Variants in DNAH10 observed in about 807,000 individuals in gnomAD.
DNAH10 encodes axonemal beta dynein heavy chain 10.
DNAH10 carries 348 observed loss-of-function variants against 506.6 expected under a neutral mutation model. The observed-to-expected ratio is 0.69, with a 90% CI of 0.63 to 0.75. The LOEUF (loss-of-function observed/expected upper bound fraction) is 0.75. DNAH10 is among the 30% of genes least tolerant of loss of function. DNAH10 has a pLI of 0.00. For synonymous variants in DNAH10, 2,059 were observed against 2,198.6 expected, an observed-to-expected ratio of 0.94 and a Z score of 1.78; for missense variants, 5,179 against 5,787.1, an observed-to-expected ratio of 0.89 and a Z score of 3.41.
Position 123,857,165 on chromosome 12 carries a change from G to A in DNAH10, c.6548G>A (p.Cys2183Tyr). 6.2e-7 allele frequency: 1 copy of A among 1,609,986 alleles called. No individual in the cohort carries two copies. The highest frequency in any genetic ancestry group is 8.5e-7 in the Non-Finnish European group (1 of 1,178,246). The change falls in exon 37 of 79, where the codon TGC becomes TAC. Residue 2183 changes from cysteine to tyrosine, a missense_variant. Cys to Tyr is a radical substitution (Grantham distance 194). Coordinates refer to ENST00000673944, the MANE Select transcript of DNAH10 (RefSeq NM_001372106.1). Reference protein sequence around the residue: ...LISDLFPGLDCPRVRYPDFND... With the variant: ...LISDLFPGLDYPRVRYPDFND... ...TCGGATCTGTTTCCTGGGCTGGACT[G>A]CCCTCGCGTCCGCTACCCTGACTTC...
At chr12:123,879,528 A>G (rs994751652) in intron 49 of DNAH10, 106 bp from the exon 50 acceptor site, 2 of 1,528,498 alleles carry the variant, frequency 1.3e-6, no homozygotes, top group African/African-American at 1.4e-5. Context: ...GAAAAAAAAT[A>G]GAACGCAAAT....
intron 52 of DNAH10, among the ~76,000 whole-genome samples, chr12:123,891,904 G>C (rs985237306): frequency 6.6e-6 from 1 of 152,174 alleles, no homozygotes; most frequent in Non-Finnish European, 1.5e-5. Context: ...TCCTCTCTCC[G>C]GGGAGCCACA....
chr12:123,908,357 A>G (rs554087334), intron 57 of DNAH10: 4 of 455,914 alleles, frequency 8.8e-6, no homozygotes, highest in Middle Eastern at 3.3e-4. Context: ...CAGAGCACAA[A>G]TGCCTGGGCC....
At chr12:123,782,875 T>A (rs1957715371) in intron 6 of DNAH10, among the ~76,000 whole-genome samples, 1 of 152,210 alleles carries the variant, frequency 6.6e-6, no homozygotes, top group African/African-American at 2.4e-5. Context: ...CAGGAACATC[T>A]TAAATAACTA....
chr12:123,832,869 A>G (rs4930731), intron 26 of DNAH10, among the ~76,000 whole-genome samples: 47,890 of 151,986 alleles, frequency 0.32, 8,103 homozygotes, highest in Non-Finnish European at 0.38. Flanking sequence ...ATCCCTACCA[A>G]TATACTTTGA....
chr12:123,854,860 G>A (rs12579670), intron 36 of DNAH10, among the ~76,000 whole-genome samples: 2,032 of 152,300 alleles, frequency 0.013, 24 homozygotes, highest in East Asian at 0.054. Context: ...ATTTACTGCT[G>A]CAGTTCTCAG....
chr12:123,844,878 A>G (rs1950893426), intron 30 of DNAH10, among the ~76,000 whole-genome samples: 1 of 152,106 alleles, frequency 6.6e-6, no homozygotes, highest in Non-Finnish European at 1.5e-5. Context: ...AGCTCAAGCA[A>G]TCTGCCCCAG....
chr12:123,886,971 C>T (rs111471216), intron 51 of DNAH10, among the ~76,000 whole-genome samples, 171 bp from the exon 52 acceptor site: 3 of 152,190 alleles, frequency 2.0e-5, no homozygotes, highest in African/African-American at 7.2e-5. Flanking sequence ...GCTTCCCCCT[C>T]CTCTGTTTCA....
At position 123,895,090 on chromosome 12, in the gene DNAH10, G is replaced by A. The variant is rs148655138; in HGVS notation, c.9280+367G>A. Among the ~76,000 whole-genome samples, 595 of 152,270 alleles carry A rather than the reference G, an allele frequency of 3.9e-3. 5 individuals are homozygous for A. The highest frequency in any genetic ancestry group is 0.012 in the African/African-American group (499 of 41,548). ...CTCTGGCTGCTTTTATGCTACAACC[G>A]CAAAGCTGAATAATTGCAACAGAGA... On this transcript the variant is annotated intron_variant, in intron 54 of 78. Transcript: ENST00000673944.
At chr12:123,809,628 A>G (rs1958848602) in intron 19 of DNAH10, among the ~76,000 whole-genome samples, 1 of 145,206 alleles carries the variant, frequency 6.9e-6, no homozygotes, top group Non-Finnish European at 1.5e-5. Flanking sequence ...CAGCCTGGGC[A>G]ACAGAGCAAG....
In DNAH10 at chr12:123,796,706, G is replaced by A; in HGVS notation, c.2037G>A (p.Leu679=). The A allele has an allele frequency of 6.2e-7, 1 of 1,613,748 alleles. No individual in the cohort carries two copies. Among genetic ancestry groups the A allele is most frequent in the Non-Finnish European group, 8.5e-7 (1 of 1,179,918 alleles). The change falls in exon 13 of 79, where the codon CTG becomes CTA. Residue 679 remains leucine, a synonymous_variant. Transcript: ENST00000673944. ...TCCAGAACCTTGAAAATCCACCACT[G>A]TATAAGAATCACCCTCCAGTAGCAG... is the stretch of plus-strand genomic sequence containing the variant. ...IFVQNLENPP[L]YKNHPPVAGA... is the part of the protein sequence containing the mutation.
At chr12:123,841,636 T>TCCAAATGAGGTTTTG in intron 30 of DNAH10, 91 bp downstream of exon 30, 1 of 1,288,152 alleles carries the variant, frequency 7.8e-7, no homozygotes, top group Non-Finnish European at 1.1e-6. Flanking sequence ...TGGCTGACAT[T>TCCAAATGAGGTTTTG]CCAAATGAGG....
Position 123,926,824 on chromosome 12 carries a change from A to C in DNAH10, c.12105+4A>C, listed in dbSNP as rs1954966692. 1 of 1,613,528 alleles carries C rather than the reference A, an allele frequency of 6.2e-7. No homozygotes were observed. Among genetic ancestry groups the C allele is most frequent in the African/African-American group, 1.3e-5 (1 of 74,906 alleles). ...AATGGGTCAAGGTCAAGAAAAGGTAATTTGTGGCTGAAAGGAACAAGCTCT... is the reference window on the plus strand; with the variant it reads ...AATGGGTCAAGGTCAAGAAAAGGTACTTTGTGGCTGAAAGGAACAAGCTCT... On this transcript the variant is annotated splice_donor_region_variant and intron_variant, in intron 69 of 78. Coordinates refer to ENST00000673944, the MANE Select transcript of DNAH10 (RefSeq NM_001372106.1). The surrounding 1 kb of genome is among the most constrained non-coding windows in gnomAD (Gnocchi z 4.1).
At chr12:123,794,736 C>T (rs1958211877) in intron 12 of DNAH10, among the ~76,000 whole-genome samples, 1 of 151,642 alleles carries the variant, frequency 6.6e-6, no homozygotes, top group Admixed American at 6.6e-5. Context: ...GTCTCAGCTA[C>T]TTGGGAGGCA....
chr12:123,879,877 G>A (rs1472998919), intron 50 of DNAH10, 76 bp downstream of exon 50: 6 of 1,527,880 alleles, frequency 3.9e-6, no homozygotes, highest in East Asian at 2.3e-5. Flanking sequence ...AGCATCGCGC[G>A]GGTGCCCGGG....
At position 123,798,564 on chromosome 12, in the gene DNAH10, A is replaced by G. The variant is rs528281898; in HGVS notation, c.2164-682A>G. ...CCCACCTCCAACACTGGGGATTACA[A>G]TGCAGTATGAGATTTGGGAGGACAG... On this transcript the variant is annotated intron_variant, in intron 13 of 78. Coordinates refer to ENST00000673944, the MANE Select transcript of DNAH10 (RefSeq NM_001372106.1). Among the ~76,000 whole-genome samples the G allele has an allele frequency of 3.3e-4, 51 of 152,258 alleles. 1 individual carries two copies. Among genetic ancestry groups the G allele is most frequent in the African/African-American group, 1.0e-3 (43 of 41,556 alleles).
At chr12:123,817,949 C>CTTT (rs369200478) in intron 21 of DNAH10, among the ~76,000 whole-genome samples, 6 of 138,300 alleles carry the variant, frequency 4.3e-5, no homozygotes, top group Admixed American at 7.3e-5. Flanking sequence ...TTCTTTTTCT[C>CTTT]TTTTTTTTTT....
chr12:123,792,451 CTTTTTTTTTTT>C (rs78654407), intron 11 of DNAH10, among the ~76,000 whole-genome samples: 1 of 133,466 alleles, frequency 7.5e-6, no homozygotes, highest in Non-Finnish European at 1.6e-5. Flanking sequence ...TTCCTTTGTC[CTTTTTTTTTTT>C]TTTTTTTTTT....
chr12:123,881,740 C>G lies in DNAH10; in HGVS notation c.8750C>G (p.Ala2917Gly), dbSNP rs1167232420. Reference protein sequence around the residue: ...HRIIRMDRGHALLVGVGGSGK... With the variant: ...HRIIRMDRGHGLLVGVGGSGK... ...ATCATCCGCATGGACCGCGGCCACG[C>G]CCTGCTGGTCGGGGTAGGGGGCTCA... is the stretch of plus-strand genomic sequence containing the variant. The change falls in exon 51 of 79, where the codon GCC becomes GGC. Residue 2917 changes from alanine to glycine, a missense_variant. This residue lies in a region of DNAH10 where 4,844 missense variants were observed against 5,430.5 expected (regional missense o/e 0.89). Coordinates refer to ENST00000673944, the MANE Select transcript of DNAH10 (RefSeq NM_001372106.1). 1.3e-6 allele frequency: 2 copies of G among 1,547,438 alleles called. No homozygotes were observed. Among genetic ancestry groups the G allele is most frequent in the Non-Finnish European group, 1.7e-6 (2 of 1,145,312 alleles).
Sources: allele counts gnomAD v4.1 joint callset (sites outside exome capture counted in the v4.1 genomes callset), GRCh38; gene constraint gnomAD v4.1.1; regional missense constraint gnomAD v4.1.1; non-coding constraint Gnocchi (gnomAD v3.1); transcripts MANE v1.5; gene names NCBI Gene and HGNC (gene_info 2026-07-23, HGNC 2026-07-21).